STPG2: variants seen among roughly 807,000 people sequenced by gnomAD.
The protein encoded by STPG2 is sperm tail PG-rich repeat containing 2, also known as sperm-tail PG-rich repeat-containing protein 2.
Under a neutral mutation model 54.2 loss-of-function variants are expected in STPG2, and 56 were observed. The ratio of observed to expected loss-of-function variants is 1.03; its 90% CI spans 0.83 to 1.29. The LOEUF (loss-of-function observed/expected upper bound fraction) is 1.29, where lower values mean the gene tolerates loss of function less well. Among genes scored for constraint, STPG2 ranks in the 50% most tolerant of loss-of-function variants. STPG2 has a pLI of 0.00. For missense variants in STPG2, 596 were observed against 544.9 expected, an observed-to-expected ratio of 1.09 and a Z score of -0.93; for synonymous variants, 200 against 181.8, an observed-to-expected ratio of 1.10 and a Z score of -0.81.
intron 5 of STPG2, among the ~76,000 whole-genome samples, chr4:98,010,667 C>T (rs1364457587): frequency 5.3e-5 from 8 of 152,050 alleles, no homozygotes; most frequent in Non-Finnish European, 7.4e-5. Context: ...TATACTATTG[C>T]TATTTTGCTG....
At chr4:97,649,520 A>C (rs1240942576) in intron 10 of STPG2, among the ~76,000 whole-genome samples, 2 of 152,126 alleles carry the variant, frequency 1.3e-5, no homozygotes, top group Non-Finnish European at 2.9e-5. Flanking sequence ...TGGAAGATTA[A>C]TCTCTAGCCA....
chr4:97,906,665 A>G (rs1731437627), intron 8 of STPG2, among the ~76,000 whole-genome samples: 2 of 151,944 alleles, frequency 1.3e-5, no homozygotes, highest in Non-Finnish European at 1.5e-5. Context: ...AAGCTTATCC[A>G]CCATGATCAA....
chr4:97,892,837 C>T, intron 8 of STPG2, among the ~76,000 whole-genome samples: 1 of 152,064 alleles, frequency 6.6e-6, no homozygotes, highest in Non-Finnish European at 1.5e-5. Context: ...TTTGCATAGC[C>T]CACTCTGCCT....
At chr4:97,932,756 C>T (rs1321378912) in intron 8 of STPG2, among the ~76,000 whole-genome samples, 3 of 152,162 alleles carry the variant, frequency 2.0e-5, no homozygotes, top group Non-Finnish European at 4.4e-5. Context: ...TTTCTTTATC[C>T]AGTCCATCAT....
chr4:97,510,230 A>T (rs1730943883), intron 4 of STPG2, among the ~76,000 whole-genome samples: 1 of 152,134 alleles, frequency 6.6e-6, no homozygotes, highest in African/African-American at 2.4e-5. Flanking sequence ...TTACCAGGGT[A>T]AGTTGATACA....
chr4:97,964,366 G>A (rs1011980565), intron 7 of STPG2, among the ~76,000 whole-genome samples: 1 of 152,096 alleles, frequency 6.6e-6, no homozygotes, highest in Admixed American at 6.6e-5. Flanking sequence ...ATCTTTGAAG[G>A]CAATCATCCT....
chr4:97,702,394 A>G (rs1355465535), intron 10 of STPG2, among the ~76,000 whole-genome samples: 1 of 152,158 alleles, frequency 6.6e-6, no homozygotes, highest in African/African-American at 2.4e-5. Flanking sequence ...ATATAAGTTA[A>G]AAATTCAAGC....
intron 8 of STPG2, among the ~76,000 whole-genome samples, chr4:97,907,863 C>A (rs1281343667): frequency 6.6e-6 from 1 of 151,968 alleles, no homozygotes; most frequent in Non-Finnish European, 1.5e-5. Flanking sequence ...ATACAAAAAT[C>A]AATTCAAGAT....
chr4:97,566,676 T>C (rs1012875796), intron 10 of STPG2, among the ~76,000 whole-genome samples: 1 of 151,994 alleles, frequency 6.6e-6, no homozygotes, highest in Non-Finnish European at 1.5e-5. Flanking sequence ...ATGTGGCACA[T>C]ATACACCATG....
chr4:97,719,341 T>C (rs144723601), intron 9 of STPG2, among the ~76,000 whole-genome samples: 192 of 151,866 alleles, frequency 1.3e-3, no homozygotes, highest in African/African-American at 3.5e-3. Flanking sequence ...ACAAAAACAA[T>C]CATATGCAGC....
At chr4:97,994,223 C>T (rs886401639) in intron 5 of STPG2, among the ~76,000 whole-genome samples, 4 of 152,072 alleles carry the variant, frequency 2.6e-5, no homozygotes, top group Non-Finnish European at 5.9e-5. Flanking sequence ...TCATTGTTAA[C>T]CCAACGTTCA....
chr4:97,868,514 C>A (rs113368601), intron 8 of STPG2, among the ~76,000 whole-genome samples: 14 of 151,798 alleles, frequency 9.2e-5, no homozygotes. Context: ...CATAGGCCCA[C>A]GGTTATAATT....
At chr4:97,449,490 C>T (rs958980189) in intron 4 of STPG2, among the ~76,000 whole-genome samples, 5 of 152,052 alleles carry the variant, frequency 3.3e-5, no homozygotes, top group Non-Finnish European at 7.4e-5. Context: ...CTCTGATTTC[C>T]ATTGCTGTGA....
At chr4:97,721,069 A>G (rs1724433401) in intron 9 of STPG2, among the ~76,000 whole-genome samples, 1 of 152,092 alleles carries the variant, frequency 6.6e-6, no homozygotes, top group Admixed American at 6.5e-5. Flanking sequence ...TTCTTTCAGG[A>G]TTATACTTTT....
intron 7 of STPG2, among the ~76,000 whole-genome samples, chr4:97,967,333 C>A (rs1365188773): frequency 2.6e-5 from 4 of 152,078 alleles, no homozygotes; most frequent in African/African-American, 9.7e-5. Context: ...AATATATATG[C>A]ACCCAATACA....
intron 4 of STPG2, among the ~76,000 whole-genome samples, chr4:97,525,655 G>A (rs1023328715): frequency 6.6e-6 from 1 of 151,900 alleles, no homozygotes; most frequent in Non-Finnish European, 1.5e-5. Flanking sequence ...GAATAAGCAG[G>A]AAATTCTGAT....
Position 97,447,363 on chromosome 4 carries a change from G to A in STPG2, c.463-259530C>T, listed in dbSNP as rs1458222858. ...AAGCCATCTGCAGAAATTTGCATAAGTAATAAGGAGCCAAATGTTAATTGC... is the reference window on the plus strand; with the variant it reads ...AAGCCATCTGCAGAAATTTGCATAAATAATAAGGAGCCAAATGTTAATTGC... On this transcript the variant is annotated intron_variant, in intron 4 of 4. Coordinates refer to the STPG2 transcript ENST00000522676. 4.6e-5 allele frequency among the ~76,000 whole-genome samples: 7 copies of A among 152,210 alleles called. No individual in the cohort carries two copies. In the South Asian group the frequency reaches 1.4e-3, roughly 32 times the overall value.
chr4:97,553,813 T>C (rs1316450127), intron 4 of STPG2, among the ~76,000 whole-genome samples: 1 of 152,158 alleles, frequency 6.6e-6, no homozygotes, highest in African/African-American at 2.4e-5. Flanking sequence ...ATTCAATCTT[T>C]GGATTAGTCT....
chr4:97,566,370 C>G (rs1336545152), intron 10 of STPG2, among the ~76,000 whole-genome samples: 1 of 152,144 alleles, frequency 6.6e-6, no homozygotes, highest in Non-Finnish European at 1.5e-5. Context: ...AAGGGAACTC[C>G]CTGTCCCCTT....
Sources: allele counts gnomAD v4.1 joint callset (sites outside exome capture counted in the v4.1 genomes callset), GRCh38; gene constraint gnomAD v4.1.1; transcripts MANE v1.5; gene names NCBI Gene and HGNC (gene_info 2026-07-23, HGNC 2026-07-21).